The following RHBDF2 variants were observed in gnomAD, a reference collection of about 807,000 sequenced individuals.
RHBDF2 encodes inactive rhomboid protein 2.
In RHBDF2, 38 loss-of-function variants were observed where a neutral mutation model predicts 95.2. The ratio of observed to expected loss-of-function variants is 0.40; its 90% CI spans 0.31 to 0.52. The LOEUF (loss-of-function observed/expected upper bound fraction) is 0.52, where lower values mean the gene tolerates loss of function less well. Ranked by LOEUF, RHBDF2 falls within the 20% of genes least tolerant of loss-of-function variation. RHBDF2 has a pLI of 0.56. For synonymous variants in RHBDF2, 442 were observed against 462.0 expected, an observed-to-expected ratio of 0.96 and a Z score of 0.55; for missense variants, 863 against 1,137.7, an observed-to-expected ratio of 0.76 and a Z score of 3.47.
intron 2 of RHBDF2, 103 bp from the exon 3 acceptor site, chr17:76,481,648 A>AGGC: frequency 8.8e-7 from 1 of 1,132,726 alleles, no homozygotes; most frequent in Non-Finnish European, 1.2e-6. Context: ...CAACTTGCCT[A>AGGC]AAGTTGGTTC....
chr17:76,480,673 G>A (rs921870515), intron 3 of RHBDF2, among the ~76,000 whole-genome samples: 1 of 152,130 alleles, frequency 6.6e-6, no homozygotes, highest in Admixed American at 6.5e-5. Flanking sequence ...GGCATGAGGC[G>A]ACCTCGCCCA....
chr17:76,479,394 G>A (rs1339486868), intron 4 of RHBDF2, 117 bp from the exon 5 acceptor site: 2 of 1,427,906 alleles, frequency 1.4e-6, no homozygotes, highest in South Asian at 2.5e-5. Flanking sequence ...GTGGGGGGCG[G>A]ATCTGCCTGT....
chr17:76,498,017 G>A (rs901318298), intron 1 of RHBDF2, among the ~76,000 whole-genome samples: 44 of 152,198 alleles, frequency 2.9e-4, no homozygotes, highest in Admixed American at 5.2e-4. Flanking sequence ...ACTCCCAGCT[G>A]GGCGCCCGGA....
rs189809413 is a variant in RHBDF2 at position 76,473,641 on chromosome 17, C to T, written c.1733+7G>A. ...GGATGGCTGAGGCCAGGGCCCAGGT[C>T]GCTCACCTGCCCTTGGTGCCGATGC... is the stretch of plus-strand genomic sequence containing the variant. On this transcript the variant is annotated splice_region_variant and intron_variant, in intron 15 of 18. Coordinates refer to ENST00000675367, the MANE Select transcript of RHBDF2 (RefSeq NM_001005498.4). 262 of 1,598,472 alleles carry T rather than the reference C, an allele frequency of 1.6e-4. No individual in the cohort carries two copies. Among genetic ancestry groups the T allele is most frequent in the South Asian group, 3.4e-5 (3 of 88,956 alleles).
chr17:76,475,170 G>T, intron 9 of RHBDF2, 29 bp from the exon 10 acceptor site: 1 of 1,499,244 alleles, frequency 6.7e-7, no homozygotes, highest in Non-Finnish European at 9.1e-7. Context: ...GGTCAGCTGA[G>T]CCGAGCTCCT....
At chr17:76,475,187 A>AC (rs758001710) in intron 9 of RHBDF2, 46 bp from the exon 10 acceptor site, 1 of 1,425,354 alleles carries the variant, frequency 7.0e-7, no homozygotes, top group Non-Finnish European at 9.7e-7. Flanking sequence ...TCCTATCCCA[A>AC]CCCCCAGTCC....
At chr17:76,484,844 G>A (rs755475942) in intron 2 of RHBDF2, among the ~76,000 whole-genome samples, 4 of 152,174 alleles carry the variant, frequency 2.6e-5, no homozygotes, top group African/African-American at 4.8e-5. Context: ...CAATGGAGCC[G>A]GCAGCGCATA....
At chr17:76,500,505 G>A (rs1487102942) in intron 1 of RHBDF2, among the ~76,000 whole-genome samples, 1 of 152,146 alleles carries the variant, frequency 6.6e-6, no homozygotes, top group African/African-American at 2.4e-5. Flanking sequence ...CAGCCGCCCA[G>A]GCAACAGCAG....
At chr17:76,481,654 G>C in intron 2 of RHBDF2, 109 bp from the exon 3 acceptor site, 2 of 1,048,990 alleles carry the variant, frequency 1.9e-6, no homozygotes, top group East Asian at 5.3e-5. Flanking sequence ...GCCTAAAGTT[G>C]GTTCAAACAT....
intron 4 of RHBDF2, 32 bp downstream of exon 4, chr17:76,479,701 G>C (rs1469714257): frequency 1.6e-5 from 25 of 1,536,814 alleles, no homozygotes; most frequent in Middle Eastern, 4.4e-4. Flanking sequence ...TGCTGGGTGG[G>C]GGGTGCTGGG....
At chr17:76,489,618 C>G (rs1457730187) in intron 1 of RHBDF2, among the ~76,000 whole-genome samples, 4 of 152,220 alleles carry the variant, frequency 2.6e-5, no homozygotes, top group Admixed American at 1.3e-4. Flanking sequence ...CCACCGCGCC[C>G]AGCCGCCTGT....
At chr17:76,477,894 G>A in intron 6 of RHBDF2, 109 bp from the exon 7 acceptor site, 1 of 1,486,290 alleles carries the variant, frequency 6.7e-7, no homozygotes, top group Non-Finnish European at 9.0e-7. Flanking sequence ...GCAGCGCCTT[G>A]GGAGGAGGGA....
chr17:76,480,393 T>C (rs891550667), intron 3 of RHBDF2, among the ~76,000 whole-genome samples: 2 of 149,912 alleles, frequency 1.3e-5, no homozygotes, highest in Non-Finnish European at 3.0e-5. Context: ...GGCCTATATA[T>C]ATATTTTTTG....
At chr17:76,473,492 C>A (rs1306928924) in intron 15 of RHBDF2, among the ~76,000 whole-genome samples, 156 bp downstream of exon 15, 1 of 152,264 alleles carries the variant, frequency 6.6e-6, no homozygotes, top group Non-Finnish European at 1.5e-5. Flanking sequence ...CCAGCTCGCA[C>A]CATGGGTAGC....
At chr17:76,495,956 CCTGCAAAGCCACG>C (rs2074417856) in intron 1 of RHBDF2, among the ~76,000 whole-genome samples, 1 of 152,186 alleles carries the variant, frequency 6.6e-6, no homozygotes. Flanking sequence ...CCCAAGCAGG[CCTGCAAAGCCACG>C]TGCTTATGGC....
chr17:76,473,743 C>A lies in RHBDF2; in HGVS notation c.1639-1G>T. Reference sequence around the variant, plus strand: ...TGCTCCTGGCCTGCTCTGTGCAGATCTGCCAGGAGGGGGCACCGGCAGGGA... The same window carrying A: ...TGCTCCTGGCCTGCTCTGTGCAGATATGCCAGGAGGGGGCACCGGCAGGGA... On this transcript the variant is annotated splice_acceptor_variant, in intron 14 of 18. Transcript: ENST00000675367. LOFTEE classifies it high-confidence loss of function. The A allele has an allele frequency of 6.2e-7, 1 of 1,611,912 alleles. No homozygotes were observed. Among genetic ancestry groups the A allele is most frequent in the Non-Finnish European group, 8.5e-7 (1 of 1,179,168 alleles).
rs1158066102 is a variant in RHBDF2 at position 76,474,033 on chromosome 17, C to T, written c.1574G>A (p.Arg525Lys). The T allele has an allele frequency of 1.2e-6, 2 of 1,611,772 alleles. No individual in the cohort carries two copies. The highest frequency in any genetic ancestry group is 1.7e-6 in the Non-Finnish European group (2 of 1,178,590). The change falls in exon 13 of 19, where the codon AGG (arginine) becomes AAG (lysine). Residue 525 changes from arginine to lysine, a missense_variant and splice_region_variant. Coordinates refer to ENST00000675367, the MANE Select transcript of RHBDF2 (RefSeq NM_001005498.4). ...GCCCAGCAGAGGCTCCAGGCCCTAC[C>T]TGGGGTCCTGGTGGCAGACAGCCCC... ...TSGAVCHQDPRTCEEPASSGA... is the reference protein window; with the variant it reads ...TSGAVCHQDPKTCEEPASSGA...
Position 76,472,904 on chromosome 17 carries a change from A to G in RHBDF2, c.1911-65T>C, listed in dbSNP as rs1474035625. 3 of 1,580,174 alleles carry G rather than the reference A, an allele frequency of 1.9e-6. No homozygotes were observed. In the Admixed American group the frequency reaches 5.5e-5, roughly 29 times the overall value. On this transcript the variant is annotated intron_variant, in intron 17 of 18. Coordinates refer to ENST00000675367, the MANE Select transcript of RHBDF2 (RefSeq NM_001005498.4). The stretch of plus-strand genomic sequence containing the variant: ...CACTTCAGGAGCAGTAGGCTTCGGC[A>G]GGTTGGGCCGGCCATGCCCTGGCCC...
intron 2 of RHBDF2, among the ~76,000 whole-genome samples, chr17:76,482,447 C>A (rs1051171100): frequency 2.0e-5 from 3 of 152,158 alleles, no homozygotes; most frequent in African/African-American, 7.2e-5. Context: ...CAGGTGCAAG[C>A]TCACTGTGCC....
Sources: allele counts gnomAD v4.1 joint callset (sites outside exome capture counted in the v4.1 genomes callset), GRCh38; gene constraint gnomAD v4.1.1; transcripts MANE v1.5; gene names NCBI Gene and HGNC (gene_info 2026-07-23, HGNC 2026-07-21).